Variants in RAB23 observed in about 807,000 individuals in gnomAD.
RAB23 encodes RAB23, member RAS oncogene family, also known as ras-related protein Rab-23.
Under a neutral mutation model 30.0 loss-of-function variants are expected in RAB23, and 15 were observed. The ratio of observed to expected loss-of-function variants is 0.50; its 90% CI spans 0.33 to 0.77. RAB23 has a LOEUF of 0.77. RAB23 is among the 30% of genes least tolerant of loss of function. RAB23 has a pLI of 0.02. For missense variants in RAB23, 243 were observed against 275.4 expected, an observed-to-expected ratio of 0.88 and a Z score of 0.83; for synonymous variants, 93 against 94.0, an observed-to-expected ratio of 0.99 and a Z score of 0.06.
chr6:57,211,932 C>T (rs973782898), intron 1 of RAB23, among the ~76,000 whole-genome samples: 9 of 152,194 alleles, frequency 5.9e-5, no homozygotes, highest in Admixed American at 3.9e-4. Context: ...TGTGAACATT[C>T]CTTTCTTTGT....
At chr6:57,201,673 A>C (rs1265905615) in intron 3 of RAB23, among the ~76,000 whole-genome samples, 2 of 152,198 alleles carry the variant, frequency 1.3e-5, no homozygotes, top group Non-Finnish European at 2.9e-5. Flanking sequence ...TAAATTCATA[A>C]GTTTTTCTCT....
intron 3 of RAB23, among the ~76,000 whole-genome samples, chr6:57,203,014 T>G (rs1194651172): frequency 4.9e-5 from 7 of 142,720 alleles, no homozygotes; most frequent in African/African-American, 1.8e-4. Flanking sequence ...TTTTTTTTTT[T>G]TTTTTTTTTT....
rs1460147050 is a variant in RAB23, at chr6:57,210,366, A to C, written c.15T>G (p.Asp5Glu). The change falls in exon 2 of 7, where the codon GAT becomes GAG. Residue 5 changes from aspartate (D) to glutamate (E), a missense_variant. Physicochemically the swap from Asp to Glu is conservative, Grantham distance 45. Transcript: ENST00000468148. The stretch of plus-strand genomic sequence containing the variant: ...CCACCATCTTTATGGCGACTTCCAT[A>C]TCTTCCTCCAACATTTTTGGAGCTG... MLEE[D>E]MEVAIKMVVV... 2 of 1,614,088 alleles carry C rather than the reference A, an allele frequency of 1.2e-6. No individual in the cohort carries two copies. Among genetic ancestry groups the C allele is most frequent in the Non-Finnish European group, 1.7e-6 (2 of 1,179,990 alleles).
chr6:57,217,814 GAGA>G (rs1355689354), intron 1 of RAB23, among the ~76,000 whole-genome samples: 2 of 152,124 alleles, frequency 1.3e-5, no homozygotes, highest in Non-Finnish European at 2.9e-5. Context: ...CTGGCTTTTT[GAGA>G]AGATCAATAA....
intron 1 of RAB23, 126 bp from the exon 2 acceptor site, chr6:57,210,571 C>G: frequency 3.1e-6 from 2 of 644,028 alleles, no homozygotes. Flanking sequence ...CCCTCCCACT[C>G]TCTTTAGATA....
At chr6:57,212,646 C>G (rs1765696536) in intron 1 of RAB23, among the ~76,000 whole-genome samples, 1 of 149,474 alleles carries the variant, frequency 6.7e-6, no homozygotes, top group Non-Finnish European at 1.5e-5. Flanking sequence ...CTTTGGGAGG[C>G]TGAGGCAGGA....
Position 57,207,665 on chromosome 6 carries a change from C to T in RAB23, c.204G>A (p.Gln68=). The change falls in exon 3 of 7, where the codon CAG becomes CAA. Residue 68 remains glutamine, a synonymous_variant. Coordinates refer to ENST00000468148, the MANE Select transcript of RAB23 (RefSeq NM_016277.5). ...CCTTTGTAATTGCATCAAATTCCTC[C>T]TGACCTGCAGTGTCCCATAACATTA... ...VRLMLWDTAG[Q]EEFDAITKAY... 1 of 1,606,052 alleles carries T rather than the reference C, an allele frequency of 6.2e-7. No individual in the cohort carries two copies. Among genetic ancestry groups the T allele is most frequent in the South Asian group, 1.1e-5 (1 of 90,856 alleles).
chr6:57,194,545 GATAATA>G (rs1002777208), intron 5 of RAB23, among the ~76,000 whole-genome samples: 10 of 151,894 alleles, frequency 6.6e-5, no homozygotes, highest in Non-Finnish European at 1.3e-4. Flanking sequence ...ATTTTTCAAA[GATAATA>G]ATAAAAATGG....
intron 1 of RAB23, among the ~76,000 whole-genome samples, chr6:57,215,098 T>C (rs1236557423): frequency 1.3e-5 from 2 of 152,138 alleles, no homozygotes; most frequent in African/African-American, 4.8e-5. Flanking sequence ...ATTAGTGAAC[T>C]TGAACATACA....
intron 4 of RAB23, 55 bp downstream of exon 4, chr6:57,196,395 A>G (rs1244520740): frequency 6.3e-7 from 1 of 1,599,288 alleles, no homozygotes; most frequent in Admixed American, 1.7e-5. Context: ...AAAAATTAAG[A>G]TGTCTTAACT....
Position 57,189,999 on chromosome 6 carries a change from ATT to A in RAB23, c.*460_*461del, listed in dbSNP as rs1290015947. On this transcript the variant is annotated 3_prime_UTR_variant, in exon 7 of 7. Transcript: ENST00000468148. The stretch of plus-strand genomic sequence containing the variant: ...CAAAATACTAATGCAGTCTGGCAAG[ATT>A]TAGGGTTTACCTTTCAGTATTATTT... 89 of 203,846 alleles carry A rather than the reference ATT, an allele frequency of 4.4e-4. No homozygotes were observed. The highest frequency in any genetic ancestry group is 2.0e-3 in the African/African-American group (86 of 42,320). 12.6% of individuals were successfully genotyped at this position (203,846 alleles called of 1,614,324 possible).
chr6:57,190,899 A>G (rs1392213919), intron 6 of RAB23, among the ~76,000 whole-genome samples: 2 of 152,098 alleles, frequency 1.3e-5, no homozygotes, highest in African/African-American at 4.8e-5. Flanking sequence ...CTCCCTGCAG[A>G]CCTTAGCAAC....
intron 6 of RAB23, among the ~76,000 whole-genome samples, chr6:57,191,822 A>G (rs1257185724): frequency 6.6e-6 from 1 of 151,856 alleles, no homozygotes; most frequent in Non-Finnish European, 1.5e-5. Context: ...AGTTAACAAC[A>G]GTAACAACAG....
Position 57,196,531 on chromosome 6 carries a change from TTC to T in RAB23, c.315_316del (p.Lys106SerfsTer18), listed in dbSNP as rs780393504. 1 of 1,613,932 alleles carries T rather than the reference TTC, an allele frequency of 6.2e-7. No individual in the cohort carries two copies. Among genetic ancestry groups the T allele is most frequent in the Non-Finnish European group, 8.5e-7 (1 of 1,179,978 alleles). On this transcript the variant is annotated frameshift_variant, in exon 4 of 7. Transcript: ENST00000468148. LOFTEE classifies it high-confidence loss of function. ...TATATCTCCCACTTCGGCTACTACT[TTC>T]TCTCTCCAACTGGAAACTGCTTCAA...
chr6:57,202,562 T>A (rs923361469), intron 3 of RAB23, among the ~76,000 whole-genome samples: 1 of 152,106 alleles, frequency 6.6e-6, no homozygotes, highest in African/African-American at 2.4e-5. Flanking sequence ...CTGGTGATAA[T>A]CTTGCAACCC....
At chr6:57,207,863 G>A (rs1332633151) in intron 2 of RAB23, 150 bp from the exon 3 acceptor site, 1 of 608,924 alleles carries the variant, frequency 1.6e-6, no homozygotes, top group Non-Finnish European at 2.9e-6. Context: ...ACCTACTGGG[G>A]GTTACATCCT....
chr6:57,191,521 C>T (rs1290442475), intron 6 of RAB23, among the ~76,000 whole-genome samples: 3 of 152,210 alleles, frequency 2.0e-5, no homozygotes, highest in East Asian at 1.9e-4. Flanking sequence ...GTGATTTTGG[C>T]TCACCGCAAC....
chr6:57,208,608 C>G (rs1473600040), intron 2 of RAB23, among the ~76,000 whole-genome samples: 3 of 110,024 alleles, frequency 2.7e-5, no homozygotes, highest in African/African-American at 1.1e-4. Flanking sequence ...GCCTGGGAGA[C>G]AGAGTGAGAC....
chr6:57,218,139 A>AAACATTTAAAAAATT (rs1197473188), intron 1 of RAB23, among the ~76,000 whole-genome samples: 3 of 152,238 alleles, frequency 2.0e-5, no homozygotes, highest in Non-Finnish European at 2.9e-5. Context: ...GAATCCTACT[A>AAACATTTAAAAAATT]AACATTTAAA....
Sources: gnomAD v4.1 joint callset for allele counts (sites outside exome capture counted in the v4.1 genomes callset) on GRCh38, gnomAD v4.1.1 for gene constraint, MANE v1.5 for transcripts, NCBI Gene and HGNC (gene_info 2026-07-23, HGNC 2026-07-21) for gene names.